The following RPS6KC1 variants were observed in gnomAD, a reference collection of about 807,000 sequenced individuals.
The protein encoded by RPS6KC1 is ribosomal protein S6 kinase C1.
A neutral mutation model predicts 103.8 loss-of-function variants in RPS6KC1; 54 were observed. The observed-to-expected ratio is 0.52, with a 90% CI of 0.42 to 0.65. RPS6KC1 has a LOEUF of 0.65. RPS6KC1 is among the 30% of genes least tolerant of loss of function. RPS6KC1 has a pLI of 0.00. For missense variants in RPS6KC1, 1,151 were observed against 1,253.8 expected, an observed-to-expected ratio of 0.92 and a Z score of 1.24; for synonymous variants, 439 against 438.7, an observed-to-expected ratio of 1.00 and a Z score of -0.01.
chr1:213,302,893 C>T, the RPS6KC1 span, among the ~76,000 whole-genome samples: 1 of 152,150 alleles, frequency 6.6e-6, no homozygotes, highest in Non-Finnish European at 1.5e-5. Flanking sequence ...ATCCACGGGA[C>T]CTTTGATACT....
the RPS6KC1 span, among the ~76,000 whole-genome samples, chr1:213,322,064 G>A: frequency 6.6e-6 from 1 of 152,208 alleles, no homozygotes. Context: ...CCAGCACTTT[G>A]GGAGGCCGAG....
the RPS6KC1 span, among the ~76,000 whole-genome samples, chr1:213,580,415 TAAAG>T: frequency 6.6e-6 from 1 of 152,116 alleles, no homozygotes. Context: ...CTACTCCTGG[TAAAG>T]ATGCTGTAAA....
the RPS6KC1 span, among the ~76,000 whole-genome samples, chr1:213,540,991 C>T: frequency 6.6e-6 from 1 of 151,910 alleles, no homozygotes; most frequent in African/African-American, 2.4e-5. Flanking sequence ...GTTAAAGCTC[C>T]AGGCTCCACC....
the RPS6KC1 span, among the ~76,000 whole-genome samples, chr1:213,575,655 A>C: frequency 6.6e-6 from 1 of 152,172 alleles, no homozygotes; most frequent in Non-Finnish European, 1.5e-5. Flanking sequence ...GAGTCAATTA[A>C]ACCTCTTTCC....
intron 3 of RPS6KC1, among the ~76,000 whole-genome samples, chr1:213,090,559 T>G (rs1209019510): frequency 6.6e-6 from 1 of 152,132 alleles, no homozygotes; most frequent in Admixed American, 6.5e-5. Context: ...ACAGGAAGAG[T>G]ATAAATTCAT....
chr1:213,522,812 T>C, the RPS6KC1 span, among the ~76,000 whole-genome samples: 2 of 152,070 alleles, frequency 1.3e-5, no homozygotes, highest in African/African-American at 4.8e-5. Flanking sequence ...CTTAAGAGAG[T>C]ATTTTGGCTG....
chr1:213,230,459 G>A lies in RPS6KC1; in HGVS notation c.1045-38G>A, dbSNP rs756304562. Reference sequence around the variant, plus strand: ...TAAAGCTAAGAGTTAATGTTTCATTGTATTGTTAATAAATTATTACTCGTG... The same window carrying A: ...TAAAGCTAAGAGTTAATGTTTCATTATATTGTTAATAAATTATTACTCGTG... On this transcript the variant is annotated intron_variant, in intron 8 of 14. Coordinates refer to ENST00000366960, the MANE Select transcript of RPS6KC1 (RefSeq NM_012424.6). 35 of 1,453,396 alleles carry A rather than the reference G, an allele frequency of 2.4e-5. No homozygotes were observed. In the African/African-American group the frequency reaches 4.8e-4, roughly 20 times the overall value. 90.0% of individuals were successfully genotyped at this position (1,453,396 alleles called of 1,614,324 possible). A position where few individuals can be genotyped will look rare whatever the true frequency, so the allele number is the denominator to read the frequency against.
chr1:213,847,103 A>G, the RPS6KC1 span, among the ~76,000 whole-genome samples: 4 of 152,162 alleles, frequency 2.6e-5, no homozygotes, highest in Admixed American at 2.6e-4. Flanking sequence ...TGGCCTCTGG[A>G]AGAAAGTCAT....
the RPS6KC1 span, among the ~76,000 whole-genome samples, chr1:213,564,874 G>C: frequency 6.6e-6 from 1 of 152,164 alleles, no homozygotes; most frequent in Non-Finnish European, 1.5e-5. Flanking sequence ...TACTGATATA[G>C]CTTTAGTCTC....
the RPS6KC1 span, among the ~76,000 whole-genome samples, chr1:213,618,208 A>G: frequency 6.6e-6 from 1 of 152,248 alleles, no homozygotes; most frequent in South Asian, 2.1e-4. Context: ...ATAGGAAAAA[A>G]AATGAACTCT....
the RPS6KC1 span, among the ~76,000 whole-genome samples, chr1:213,484,658 G>T: frequency 6.6e-6 from 1 of 152,198 alleles, no homozygotes; most frequent in African/African-American, 2.4e-5. Context: ...TTACACAAGG[G>T]TGTGAATGTC....
At chr1:213,229,804 T>G (rs2094047055) in intron 8 of RPS6KC1, among the ~76,000 whole-genome samples, 1 of 152,178 alleles carries the variant, frequency 6.6e-6, no homozygotes, top group African/African-American at 2.4e-5. Context: ...ATGTTCTAAC[T>G]TATGTTTTAA....
At chr1:213,349,321 C>A in the RPS6KC1 span, among the ~76,000 whole-genome samples, 1 of 152,170 alleles carries the variant, frequency 6.6e-6, no homozygotes, top group Non-Finnish European at 1.5e-5. Flanking sequence ...TCTGCCTATA[C>A]CCTATCCACT....
chr1:213,393,559 C>T, the RPS6KC1 span, among the ~76,000 whole-genome samples: 2 of 152,200 alleles, frequency 1.3e-5, no homozygotes, highest in African/African-American at 4.8e-5. Context: ...ACTTGACTAG[C>T]ATTCCTTCTG....
At chr1:213,168,141 G>C (rs775305724) in intron 7 of RPS6KC1, among the ~76,000 whole-genome samples, 168 bp downstream of exon 7, 1 of 152,186 alleles carries the variant, frequency 6.6e-6, no homozygotes, top group African/African-American at 2.4e-5. Context: ...ACCACCAAAA[G>C]TGGAATAAAA....
intron 8 of RPS6KC1, among the ~76,000 whole-genome samples, chr1:213,199,451 C>T (rs971374662): frequency 5.9e-5 from 9 of 152,110 alleles, no homozygotes; most frequent in African/African-American, 1.9e-4. Context: ...TCAACATTTC[C>T]TCAGGCTAAA....
the RPS6KC1 span, among the ~76,000 whole-genome samples, chr1:213,393,405 C>A: frequency 6.6e-6 from 1 of 152,144 alleles, no homozygotes; most frequent in Non-Finnish European, 1.5e-5. Context: ...TGTGTCTTTT[C>A]TCCCTTCACT....
At chr1:213,387,366 G>A in the RPS6KC1 span, among the ~76,000 whole-genome samples, 2 of 152,234 alleles carry the variant, frequency 1.3e-5, no homozygotes, top group East Asian at 3.8e-4. Context: ...CCAATTGCCT[G>A]TGGCCAATTT....
At chr1:213,426,380 G>C in the RPS6KC1 span, among the ~76,000 whole-genome samples, 1 of 152,152 alleles carries the variant, frequency 6.6e-6, no homozygotes, top group African/African-American at 2.4e-5. Context: ...TGCCCTCGGG[G>C]ACTGGGGTGG....
Sources: allele counts gnomAD v4.1 joint callset (sites outside exome capture counted in the v4.1 genomes callset), GRCh38; gene constraint gnomAD v4.1.1; transcripts MANE v1.5; gene names NCBI Gene and HGNC (gene_info 2026-07-23, HGNC 2026-07-21).